The following CSGALNACT1 variants were observed in gnomAD, a reference collection of about 807,000 sequenced individuals.
CSGALNACT1 encodes beta4GalNAcT-1.
CSGALNACT1 carries 52 observed loss-of-function variants against 51.0 expected under a neutral mutation model. The ratio of observed to expected loss-of-function variants is 1.02; its 90% CI spans 0.82 to 1.29. The LOEUF (loss-of-function observed/expected upper bound fraction) is 1.29. CSGALNACT1 is among the 50% of genes most tolerant of loss of function. The pLI, the probability that CSGALNACT1 is intolerant of heterozygous loss-of-function variation, is 0.00. For missense variants in CSGALNACT1, 935 were observed against 679.2 expected (o/e 1.38, Z -4.19); for synonymous variants, 341 against 254.4 (o/e 1.34, Z -3.24).
chr8:19,732,282 C>A (rs899401144), intron 1 of CSGALNACT1, among the ~76,000 whole-genome samples: 5 of 152,190 alleles, frequency 3.3e-5, no homozygotes, highest in African/African-American at 1.2e-4. Flanking sequence ...TCCTGACATG[C>A]AGAAGTTAAA....
At chr8:19,567,048 C>T (rs1011169049) in intron 3 of CSGALNACT1, among the ~76,000 whole-genome samples, 2 of 152,212 alleles carry the variant, frequency 1.3e-5, no homozygotes, top group Non-Finnish European at 2.9e-5. Flanking sequence ...TCCTCCCCTC[C>T]TAATGCGTGA....
intron 1 of CSGALNACT1, among the ~76,000 whole-genome samples, chr8:19,688,570 G>A (rs769227394): frequency 1.1e-4 from 17 of 152,224 alleles, no homozygotes; most frequent in Middle Eastern, 3.4e-3. Context: ...TCACATACAT[G>A]ATAGAAACAA....
intron 1 of CSGALNACT1, among the ~76,000 whole-genome samples, chr8:19,636,341 A>T (rs1460451891): frequency 1.3e-5 from 2 of 152,156 alleles, no homozygotes; most frequent in African/African-American, 2.4e-5. Context: ...AAAACACTAT[A>T]ATATATATTA....
At chr8:19,646,560 G>A (rs2057298454) in intron 1 of CSGALNACT1, among the ~76,000 whole-genome samples, 2 of 152,094 alleles carry the variant, frequency 1.3e-5, no homozygotes, top group Non-Finnish European at 2.9e-5. Context: ...CCTTATATTG[G>A]TATAGGCACT....
intron 6 of CSGALNACT1, among the ~76,000 whole-genome samples, chr8:19,434,561 A>T (rs1278917476): frequency 6.6e-6 from 1 of 152,226 alleles, no homozygotes; most frequent in Non-Finnish European, 1.5e-5. Flanking sequence ...TTTTTACATC[A>T]TAATTTATAT....
upstream of CSGALNACT1, among the ~76,000 whole-genome samples, chr8:19,687,292 A>C (rs373480278): frequency 1.3e-5 from 2 of 152,166 alleles, no homozygotes; most frequent in East Asian, 3.9e-4. Flanking sequence ...ATGATCACTT[A>C]AACACACACA....
At chr8:19,657,672 C>T (rs1011056524) in intron 1 of CSGALNACT1, among the ~76,000 whole-genome samples, 4 of 152,166 alleles carry the variant, frequency 2.6e-5, no homozygotes, top group Non-Finnish European at 5.9e-5. Context: ...CAGAAAACAT[C>T]TTAAGAATAA....
At chr8:19,435,380 C>G (rs961919736) in intron 6 of CSGALNACT1, among the ~76,000 whole-genome samples, 1 of 151,806 alleles carries the variant, frequency 6.6e-6, no homozygotes, top group Non-Finnish European at 1.5e-5. Context: ...ATAGTCCTAG[C>G]TACCTGGGAG....
At chr8:19,635,715 C>A (rs1482651039) in intron 1 of CSGALNACT1, among the ~76,000 whole-genome samples, 1 of 152,146 alleles carries the variant, frequency 6.6e-6, no homozygotes, top group Non-Finnish European at 1.5e-5. Flanking sequence ...AGTCTTTCCA[C>A]TTCCCTTTTC....
At chr8:19,522,016 G>T (rs974153477) in intron 3 of CSGALNACT1, among the ~76,000 whole-genome samples, 1 of 152,132 alleles carries the variant, frequency 6.6e-6, no homozygotes, top group Non-Finnish European at 1.5e-5. Context: ...GACATTACAG[G>T]CTCTGAGGTT....
chr8:19,527,584 T>C (rs569585916), intron 3 of CSGALNACT1, among the ~76,000 whole-genome samples: 20 of 152,276 alleles, frequency 1.3e-4, no homozygotes, highest in African/African-American at 4.6e-4. Context: ...CACTCTAGCC[T>C]GGGTGACAAA....
chr8:19,643,064 T>C (rs2056904302), intron 1 of CSGALNACT1, among the ~76,000 whole-genome samples: 1 of 152,044 alleles, frequency 6.6e-6, no homozygotes, highest in African/African-American at 2.4e-5. Context: ...ACATAAAATA[T>C]ACACGACTAC....
chr8:19,542,605 G>C (rs1398772894), intron 3 of CSGALNACT1, among the ~76,000 whole-genome samples: 1 of 152,078 alleles, frequency 6.6e-6, no homozygotes, highest in Non-Finnish European at 1.5e-5. Context: ...AATTTCTATG[G>C]GGGAGTTTTA....
intron 1 of CSGALNACT1, among the ~76,000 whole-genome samples, chr8:19,713,764 C>A (rs533647651): frequency 4.6e-5 from 7 of 152,324 alleles, no homozygotes; most frequent in African/African-American, 1.7e-4. Flanking sequence ...TAATTCCAGA[C>A]ATCCAGCCTC....
At chr8:19,737,328 G>T (rs1186513171) in intron 1 of CSGALNACT1, among the ~76,000 whole-genome samples, 1 of 151,954 alleles carries the variant, frequency 6.6e-6, no homozygotes, top group Non-Finnish European at 1.5e-5. Flanking sequence ...TACATAAATG[G>T]GGTTAAACCC....
chr8:19,619,370 T>A (rs2053523128), intron 1 of CSGALNACT1, among the ~76,000 whole-genome samples: 1 of 150,628 alleles, frequency 6.6e-6, no homozygotes, highest in African/African-American at 2.4e-5. Context: ...AGGGAGCGAG[T>A]CTATAGAGGA....
intron 3 of CSGALNACT1, among the ~76,000 whole-genome samples, chr8:19,586,155 G>A (rs1377103068): frequency 6.6e-6 from 1 of 152,136 alleles, no homozygotes; most frequent in Non-Finnish European, 1.5e-5. Flanking sequence ...ATGAGGTCAG[G>A]AGTTCGAGAC....
chr8:19,582,888 T>C (rs2045885361), intron 3 of CSGALNACT1, among the ~76,000 whole-genome samples: 1 of 152,100 alleles, frequency 6.6e-6, no homozygotes, highest in African/African-American at 2.4e-5. Flanking sequence ...GAGCACCAAA[T>C]GACAGGCTCA....
At chr8:19,723,274 A>G (rs912694697) in intron 1 of CSGALNACT1, among the ~76,000 whole-genome samples, 9 of 152,234 alleles carry the variant, frequency 5.9e-5, no homozygotes, top group Admixed American at 3.3e-4. Flanking sequence ...AATGAAAACA[A>G]TATCATATGT....
Sources: allele counts gnomAD v4.1 joint callset (sites outside exome capture counted in the v4.1 genomes callset), GRCh38; gene constraint gnomAD v4.1.1; transcripts MANE v1.5; gene names NCBI Gene and HGNC (gene_info 2026-07-23, HGNC 2026-07-21).